Variants in MIDEAS observed in about 807,000 individuals in gnomAD.
MIDEAS encodes the protein mitotic deacetylase-associated SANT domain protein.
A neutral mutation model predicts 102.7 loss-of-function variants in MIDEAS; 26 were observed. The observed-to-expected ratio is 0.25, with a 90% CI of 0.19 to 0.35. MIDEAS has a LOEUF of 0.35. MIDEAS is among the 10% of genes least tolerant of loss of function. The probability of loss-of-function intolerance (pLI) is 1.00; values close to 1 mark genes in which losing one functional copy is unlikely to be tolerated. For synonymous variants in MIDEAS, 585 were observed against 591.0 expected, an observed-to-expected ratio of 0.99 and a Z score of 0.15; for missense variants, 1,231 against 1,435.6, an observed-to-expected ratio of 0.86 and a Z score of 2.30.
chr14:73,776,321 C>G (rs1465623076), intron 1 of MIDEAS, among the ~76,000 whole-genome samples: 1 of 151,898 alleles, frequency 6.6e-6, no homozygotes, highest in Non-Finnish European at 1.5e-5. Flanking sequence ...ATCTTCTGGG[C>G]ACATAACATT....
rs1329402255 is a variant in MIDEAS, at chr14:73,715,519, T to TA, written c.*3323dup. On this transcript the variant is annotated 3_prime_UTR_variant, in exon 13 of 13. Transcript: ENST00000423556. The stretch of plus-strand genomic sequence containing the variant: ...GTCCCCTCCAACAAAGCCTTCAACT[T>TA]AGAGACAAATGAGGAAAAAGTGAAA... 5 of 152,564 alleles carry TA rather than the reference T, an allele frequency of 3.3e-5. No individual in the cohort carries two copies. The East Asian group carries it at 7.7e-4, about 23-fold the overall frequency. 9.5% of individuals were successfully genotyped at this position (152,564 alleles called of 1,614,324 possible).
intron 1 of MIDEAS, among the ~76,000 whole-genome samples, chr14:73,753,179 G>A (rs917239207): frequency 6.6e-6 from 1 of 152,388 alleles, no homozygotes; most frequent in Admixed American, 6.5e-5. Context: ...CTCCACAGAA[G>A]GGCCTCAGGG....
Position 73,738,665 on chromosome 14 carries a change from G to A in MIDEAS, c.1344C>T (p.Gly448=), listed in dbSNP as rs572797739. ...TCCGTCGCGTGCTCTGGATCACTCC[G>A]CCCCGTAGCACCTGCCCACAGTCCC... is the stretch of plus-strand genomic sequence containing the variant. ...STGDCGQVLR[G]GVIQSTRRRR... The change falls in exon 2 of 13, where the codon GGC becomes GGT. Residue 448 remains glycine (G), a synonymous_variant. Coordinates refer to ENST00000423556, the MANE Select transcript of MIDEAS (RefSeq NM_001367710.1). 205 of 1,613,734 alleles carry A rather than the reference G, an allele frequency of 1.3e-4. 3 individuals carry two copies. In the South Asian group the frequency reaches 1.9e-3, roughly 15 times the overall value.
rs752844782 is a variant in MIDEAS, at chr14:73,736,981, A to T, written c.1749+17T>A. The T allele has an allele frequency of 6.2e-7, 1 of 1,604,778 alleles. No homozygotes were observed. Among genetic ancestry groups the T allele is most frequent in the Non-Finnish European group, 8.5e-7 (1 of 1,173,548 alleles). On this transcript the variant is annotated intron_variant, in intron 3 of 12. Transcript: ENST00000423556. ...CACTCACGCGCTGGAGGTGTTTAGA[A>T]GGGGCGCCTCTCATACCTGAGCTTG...
intron 1 of MIDEAS, among the ~76,000 whole-genome samples, chr14:73,775,490 C>T (rs1412995377): frequency 1.3e-5 from 2 of 152,034 alleles, no homozygotes; most frequent in Non-Finnish European, 2.9e-5. Flanking sequence ...ACTAGGAAGG[C>T]CCCTGCTCCC....
intron 11 of MIDEAS, among the ~76,000 whole-genome samples, chr14:73,720,059 G>A (rs146850681): frequency 6.2e-4 from 94 of 152,002 alleles, no homozygotes; most frequent in Middle Eastern, 3.4e-3. Context: ...GGGAAGCCCC[G>A]GGTGGCCATC....
In MIDEAS at chr14:73,717,834, A is replaced by G. The variant is rs922214643; in HGVS notation, c.*1009T>C. 3.3e-5 allele frequency: 5 copies of G among 152,646 alleles called. No individual in the cohort carries two copies. Among genetic ancestry groups the G allele is most frequent in the African/African-American group, 7.2e-5 (3 of 41,458 alleles). 9.5% of individuals were successfully genotyped at this position (152,646 alleles called of 1,614,324 possible). On this transcript the variant is annotated 3_prime_UTR_variant, in exon 13 of 13. Transcript: ENST00000423556. The stretch of plus-strand genomic sequence containing the variant: ...CCCAGGGAAGGATCCAGAAATCTCC[A>G]AAGTGCAGGCCTGGGGGCTGGGTTG...
At position 73,718,687 on chromosome 14, in the gene MIDEAS, A is replaced by G. The variant is rs372370578; in HGVS notation, c.*156T>C. The G allele has an allele frequency of 3.9e-6, 3 of 759,710 alleles. No homozygotes were observed. The highest frequency in any genetic ancestry group is 4.2e-4 in the Middle Eastern group (1 of 2,366). The allele number at this position is 759,710 out of a possible 1,614,324, so 47.1% of individuals were successfully genotyped here. ...CGCTGCTCCCAGGGCCTTCATAAAT[A>G]AAAGAGCCGTTTATGTCATTGTCTC... On this transcript the variant is annotated 3_prime_UTR_variant, in exon 13 of 13. Transcript: ENST00000423556.
chr14:73,724,897 G>A (rs2053040581), intron 9 of MIDEAS: 1 of 210,482 alleles, frequency 4.8e-6, no homozygotes, highest in South Asian at 7.2e-5. Context: ...GGCACTTGCT[G>A]GCTCTCAGTG....
In MIDEAS at chr14:73,717,691, G is replaced by T. The variant is rs528213877; in HGVS notation, c.*1152C>A. 1 of 152,620 alleles carries T rather than the reference G, an allele frequency of 6.6e-6. No individual in the cohort carries two copies. The highest frequency in any genetic ancestry group is 1.5e-5 in the Non-Finnish European group (1 of 68,028). The allele number at this position is 152,620 out of a possible 1,614,324, so 9.5% of individuals were successfully genotyped here. A position where few individuals can be genotyped will look rare whatever the true frequency, so the allele number is the denominator to read the frequency against. On this transcript the variant is annotated 3_prime_UTR_variant, in exon 13 of 13. Coordinates refer to ENST00000423556, the MANE Select transcript of MIDEAS (RefSeq NM_001367710.1). Reference sequence around the variant, plus strand: ...CACTCGGGCCTCTGAAAAGCAGGAGGCCCCTGGTCCCTGAGAGGATGTTAA... The same window carrying T: ...CACTCGGGCCTCTGAAAAGCAGGAGTCCCCTGGTCCCTGAGAGGATGTTAA...
intron 3 of MIDEAS, among the ~76,000 whole-genome samples, chr14:73,733,024 G>A (rs933878595): frequency 2.6e-5 from 4 of 152,112 alleles, no homozygotes; most frequent in East Asian, 3.9e-4. Context: ...CCCAGGAGGC[G>A]GAGGTTGCAG....
rs1337124469 is a variant in MIDEAS at position 73,718,756 on chromosome 14, C to T, written c.*87G>A. On this transcript the variant is annotated 3_prime_UTR_variant, in exon 13 of 13. Coordinates refer to ENST00000423556, the MANE Select transcript of MIDEAS (RefSeq NM_001367710.1). ...AGTCCCTGCAATCCTCTCCTCACTC[C>T]CTCTTGAGATGCCAGGGTGTCTGCG... The T allele has an allele frequency of 7.8e-7, 1 of 1,275,336 alleles. No individual in the cohort carries two copies. Among genetic ancestry groups the T allele is most frequent in the Non-Finnish European group, 1.0e-6 (1 of 993,870 alleles). The allele number at this position is 1,275,336 out of a possible 1,614,324, so 79.0% of individuals were successfully genotyped here.
rs780082927 is a variant in MIDEAS at position 73,739,345 on chromosome 14, C to T, written c.664G>A (p.Gly222Ser). The part of the protein sequence containing the change: ...LPLQPFQLAF[G>S]HQVNRQVFRQ... ...AAGACCTGCCGGTTCACCTGGTGGC[C>T]GAATGCCAGCTGGAAGGGTTGCAGG... Residue 222 changes from glycine to serine, a missense_variant, in exon 2 of 13, where the codon GGC becomes AGC. Around this residue, in one of 5 missense-constraint regions of MIDEAS, gnomAD observed 758 missense variants for 856.0 expected, o/e 0.89. Coordinates refer to ENST00000423556, the MANE Select transcript of MIDEAS (RefSeq NM_001367710.1). The T allele has an allele frequency of 6.9e-6, 11 of 1,602,954 alleles. No homozygotes were observed. Among genetic ancestry groups the T allele is most frequent in the Non-Finnish European group, 9.4e-6 (11 of 1,173,392 alleles).
chr14:73,768,108 C>T (rs779644992), intron 1 of MIDEAS, among the ~76,000 whole-genome samples: 1 of 151,996 alleles, frequency 6.6e-6, no homozygotes, highest in Non-Finnish European at 1.5e-5. Context: ...TGCAGTGAGA[C>T]GAGATCACAC....
At chr14:73,757,149 G>A (rs1428797292) in intron 1 of MIDEAS, among the ~76,000 whole-genome samples, 5 of 151,722 alleles carry the variant, frequency 3.3e-5, no homozygotes, top group Non-Finnish European at 7.4e-5. Context: ...ATGTGTACCC[G>A]TAGTCCCAGC....
chr14:73,744,503 C>A (rs2053324900), intron 1 of MIDEAS, among the ~76,000 whole-genome samples: 1 of 152,208 alleles, frequency 6.6e-6, no homozygotes, highest in African/African-American at 2.4e-5. Flanking sequence ...CAAGCTCCCA[C>A]TCTTATAGCC....
chr14:73,744,883 G>A (rs981759013), intron 1 of MIDEAS, among the ~76,000 whole-genome samples: 1 of 152,134 alleles, frequency 6.6e-6, no homozygotes, highest in Non-Finnish European at 1.5e-5. Context: ...GCTGAGACAG[G>A]AGCTGAACTA....
intron 2 of MIDEAS, among the ~76,000 whole-genome samples, 178 bp downstream of exon 2, chr14:73,738,382 A>G (rs947372311): frequency 6.6e-6 from 1 of 152,230 alleles, no homozygotes; most frequent in Admixed American, 6.5e-5. Flanking sequence ...TATTTCTGCA[A>G]AAGAAAGTAA....
At chr14:73,770,822 C>A (rs1204608090) in intron 1 of MIDEAS, among the ~76,000 whole-genome samples, 1 of 152,144 alleles carries the variant, frequency 6.6e-6, no homozygotes, top group Non-Finnish European at 1.5e-5. Context: ...CTGCTGACAA[C>A]CCTGGGGCAC....
Sources: allele counts gnomAD v4.1 joint callset (sites outside exome capture counted in the v4.1 genomes callset), GRCh38; gene constraint gnomAD v4.1.1; regional missense constraint gnomAD v4.1.1; transcripts MANE v1.5; gene names NCBI Gene and HGNC (gene_info 2026-07-23, HGNC 2026-07-21).